Variants in KCNQ5 observed in about 807,000 individuals in gnomAD.
The protein encoded by KCNQ5 is potassium voltage-gated channel subfamily KQT member 5.
KCNQ5 carries 30 observed loss-of-function variants against 98.2 expected under a neutral mutation model. That is an observed-to-expected ratio of 0.31 (90% CI 0.23 to 0.41). KCNQ5 has a LOEUF of 0.41. Ranked by LOEUF, KCNQ5 falls within the 10% of genes least tolerant of loss-of-function variation. The pLI is 1.00. For missense variants in KCNQ5, 835 were observed against 1,182.5 expected (o/e 0.71, Z 4.31); for synonymous variants, 458 against 449.4 (o/e 1.02, Z -0.24).
intron 1 of KCNQ5, among the ~76,000 whole-genome samples, chr6:72,821,681 A>C (rs9360603): frequency 0.24 from 37,114 of 151,554 alleles, 4,826 homozygotes; most frequent in Admixed American, 0.37. Context: ...TGACATTACA[A>C]GTCTCTCAAA....
chr6:73,055,663 C>A, intron 3 of KCNQ5: 1 of 1,125,182 alleles, frequency 8.9e-7, no homozygotes, highest in Non-Finnish European at 1.4e-6. Context: ...GCCTCTGGGG[C>A]ACTGACAAGC....
chr6:72,929,403 C>T (rs1304431394), intron 1 of KCNQ5, among the ~76,000 whole-genome samples: 4 of 152,044 alleles, frequency 2.6e-5, no homozygotes, highest in Non-Finnish European at 5.9e-5. Context: ...CCAAAAAGTG[C>T]ACTCTCAGTT....
At chr6:72,814,437 A>G (rs546272268) in intron 1 of KCNQ5, among the ~76,000 whole-genome samples, 2 of 152,342 alleles carry the variant, frequency 1.3e-5, no homozygotes, top group Admixed American at 1.3e-4. Flanking sequence ...AACCTCATAG[A>G]TTCCTGTGAA....
intron 1 of KCNQ5, among the ~76,000 whole-genome samples, chr6:72,736,658 C>G (rs1256262047): frequency 1.3e-5 from 2 of 149,198 alleles, no homozygotes; most frequent in African/African-American, 5.0e-5. Flanking sequence ...CGCCACCACG[C>G]CCGGCTAATT....
intron 1 of KCNQ5, among the ~76,000 whole-genome samples, chr6:72,705,097 T>C (rs563986262): frequency 1.6e-4 from 25 of 152,316 alleles, no homozygotes; most frequent in African/African-American, 6.0e-4. Context: ...TCTGATATGC[T>C]TTCCTTGGTG....
intron 1 of KCNQ5, among the ~76,000 whole-genome samples, chr6:72,761,813 C>G (rs750582432): frequency 7.2e-5 from 11 of 152,006 alleles, no homozygotes; most frequent in Non-Finnish European, 1.2e-4. Context: ...GCTCACCAAA[C>G]ACATCATGGA....
intron 1 of KCNQ5, among the ~76,000 whole-genome samples, chr6:72,960,075 T>G (rs1767264893): frequency 6.6e-6 from 1 of 152,222 alleles, no homozygotes; most frequent in East Asian, 1.9e-4. Flanking sequence ...AGGATCATAC[T>G]GAAAGAAGCC....
chr6:73,010,528 A>C (rs1035812341), intron 2 of KCNQ5, among the ~76,000 whole-genome samples: 1 of 151,960 alleles, frequency 6.6e-6, no homozygotes, highest in Non-Finnish European at 1.5e-5. Context: ...TAGCTAGAGC[A>C]ATTAGGCAAC....
At chr6:72,848,407 T>C (rs189781214) in intron 1 of KCNQ5, among the ~76,000 whole-genome samples, 247 of 152,226 alleles carry the variant, frequency 1.6e-3, no homozygotes, top group African/African-American at 5.5e-3. Context: ...TTAATAGTGA[T>C]AAAGTTTACG....
At chr6:73,117,214 A>C (rs1053753565) in intron 7 of KCNQ5, among the ~76,000 whole-genome samples, 11 of 152,234 alleles carry the variant, frequency 7.2e-5, no homozygotes, top group Admixed American at 3.9e-4. Flanking sequence ...ACTGGATCAC[A>C]GGGATGTGGG....
chr6:73,143,767 C>T (rs749858925), intron 10 of KCNQ5, among the ~76,000 whole-genome samples: 43 of 152,138 alleles, frequency 2.8e-4, no homozygotes, highest in Non-Finnish European at 5.7e-4. Context: ...TAAGTTTTAC[C>T]ACCCCAGCCC....
At chr6:72,631,824 T>A (rs908408268) in intron 1 of KCNQ5, among the ~76,000 whole-genome samples, 1 of 148,914 alleles carries the variant, frequency 6.7e-6, no homozygotes, top group Non-Finnish European at 1.5e-5. Flanking sequence ...AGAGAAGAAG[T>A]TTTTTTATCA....
At chr6:72,684,521 C>A (rs1378196334) in intron 1 of KCNQ5, among the ~76,000 whole-genome samples, 1 of 152,194 alleles carries the variant, frequency 6.6e-6, no homozygotes, top group Non-Finnish European at 1.5e-5. Flanking sequence ...GCATTAGTAT[C>A]AGGCCTTGAT....
intron 1 of KCNQ5, among the ~76,000 whole-genome samples, chr6:72,971,585 T>C (rs1341181738): frequency 6.6e-6 from 1 of 152,190 alleles, no homozygotes; most frequent in Non-Finnish European, 1.5e-5. Context: ...AGCAAAGACC[T>C]GGAACCAACT....
At chr6:72,652,649 C>T (rs1407442925) in intron 1 of KCNQ5, among the ~76,000 whole-genome samples, 1 of 151,984 alleles carries the variant, frequency 6.6e-6, no homozygotes, top group African/African-American at 2.4e-5. Flanking sequence ...CTCTCCTCAC[C>T]GTTGCCAGTG....
rs2098918497 is a variant in KCNQ5, at chr6:72,627,406, G to A, written c.398+4819G>A. 3.9e-5 allele frequency among the ~76,000 whole-genome samples: 6 copies of A among 152,196 alleles called. No individual in the cohort carries two copies. In the South Asian group the frequency reaches 1.0e-3, roughly 26 times the overall value. On this transcript the variant is annotated intron_variant, in intron 1 of 13. Coordinates refer to ENST00000370398, the MANE Select transcript of KCNQ5 (RefSeq NM_019842.4). ...AAAGCTTTACAGCAACCCAAAGGCC[G>A]AGGGAAAGCCTGGGAGATCTTATTT... is the stretch of plus-strand genomic sequence containing the variant.
intron 1 of KCNQ5, among the ~76,000 whole-genome samples, chr6:72,906,208 C>T (rs1285254974): frequency 6.6e-6 from 1 of 152,162 alleles, no homozygotes; most frequent in Admixed American, 6.5e-5. Context: ...CCTCACCCAG[C>T]TTCCACACAA....
intron 3 of KCNQ5, among the ~76,000 whole-genome samples, chr6:73,052,146 T>G (rs1772273114): frequency 1.3e-5 from 2 of 152,154 alleles, no homozygotes; most frequent in South Asian, 4.2e-4. Flanking sequence ...TCTCAGAGCT[T>G]GAATATCACT....
chr6:72,800,059 T>G (rs1774557712), intron 1 of KCNQ5, among the ~76,000 whole-genome samples: 1 of 152,208 alleles, frequency 6.6e-6, no homozygotes, highest in Non-Finnish European at 1.5e-5. Flanking sequence ...GTACTTTAAA[T>G]CTGACTCTTG....
Sources: gnomAD v4.1 joint callset for allele counts (sites outside exome capture counted in the v4.1 genomes callset) on GRCh38, gnomAD v4.1.1 for gene constraint, MANE v1.5 for transcripts, NCBI Gene and HGNC (gene_info 2026-07-23, HGNC 2026-07-21) for gene names.